The following RORA variants were observed in gnomAD, a reference collection of about 807,000 sequenced individuals.
RORA encodes the protein nuclear receptor ROR-alpha.
A neutral mutation model predicts 69.5 loss-of-function variants in RORA; 7 were observed. The observed-to-expected ratio is 0.10, with a 90% CI of 0.06 to 0.19. RORA has a LOEUF of 0.19. Among genes scored for constraint, RORA ranks in the 10% least tolerant of loss-of-function variants. The pLI is 1.00. For synonymous variants in RORA, 261 were observed against 240.8 expected (o/e 1.08, Z -0.78); for missense variants, 457 against 663.0 (o/e 0.69, Z 3.41).
At chr15:60,721,005 C>T (rs561376652) in intron 1 of RORA, among the ~76,000 whole-genome samples, 1 of 152,238 alleles carries the variant, frequency 6.6e-6, no homozygotes, top group South Asian at 2.1e-4. Flanking sequence ...AGAGTCTCCC[C>T]GCACACTGTT....
At chr15:60,845,322 A>G (rs1244102847) in intron 1 of RORA, among the ~76,000 whole-genome samples, 1 of 152,210 alleles carries the variant, frequency 6.6e-6, no homozygotes, top group Non-Finnish European at 1.5e-5. Flanking sequence ...TGATGTAGTT[A>G]GGTTCTGAAT....
chr15:61,126,805 C>T (rs998659821), intron 1 of RORA, among the ~76,000 whole-genome samples: 1 of 152,208 alleles, frequency 6.6e-6, no homozygotes, highest in Non-Finnish European at 1.5e-5. Flanking sequence ...GATCAGCCCA[C>T]GCTCTCTCCA....
At chr15:60,721,426 G>C (rs2071292108) in intron 1 of RORA, among the ~76,000 whole-genome samples, 1 of 152,162 alleles carries the variant, frequency 6.6e-6, no homozygotes, top group South Asian at 2.1e-4. Flanking sequence ...GGAGACCAAG[G>C]CTGGGCTTCC....
At chr15:60,523,538 C>A (rs767995963) in intron 3 of RORA, among the ~76,000 whole-genome samples, 1 of 152,214 alleles carries the variant, frequency 6.6e-6, no homozygotes, top group Non-Finnish European at 1.5e-5. Flanking sequence ...AGCTTACCAG[C>A]ATGTGGCTGG....
chr15:60,565,744 G>T (rs1356957659), intron 2 of RORA, among the ~76,000 whole-genome samples: 1 of 152,114 alleles, frequency 6.6e-6, no homozygotes, highest in Non-Finnish European at 1.5e-5. Context: ...TACCACCCCT[G>T]TTTTTTCTTT....
At chr15:60,950,528 C>T (rs1893058059) in intron 1 of RORA, among the ~76,000 whole-genome samples, 1 of 137,852 alleles carries the variant, frequency 7.3e-6, no homozygotes, top group East Asian at 2.1e-4. Flanking sequence ...ATCAGTGTGC[C>T]GTATTCAGGA....
chr15:61,126,093 C>T (rs545486643), intron 1 of RORA, among the ~76,000 whole-genome samples: 42 of 152,296 alleles, frequency 2.8e-4, no homozygotes, highest in African/African-American at 9.9e-4. Context: ...AAAGCTCCTC[C>T]TCTGGGGCTA....
intron 2 of RORA, among the ~76,000 whole-genome samples, chr15:60,563,830 TTACAGCAAG>T (rs1161417186): frequency 2.0e-5 from 3 of 152,248 alleles, no homozygotes; most frequent in Middle Eastern, 3.4e-3. Context: ...GTTTGCTCCA[TTACAGCAAG>T]TACACACACA....
Position 60,905,740 on chromosome 15 carries a change from T to C in RORA, c.167-227054A>G, listed in dbSNP as rs1265041716. ...GTTTAAGAGATCCAAGCAAGTAGGG[T>C]CACCTGTGCTGAGCAGGTTAGAGCC... is the stretch of plus-strand genomic sequence containing the variant. On this transcript the variant is annotated intron_variant, in intron 1 of 10. Coordinates refer to ENST00000335670, the MANE Select transcript of RORA (RefSeq NM_134261.3). This position sits in a 1 kb window ranked among gnomAD's most constrained non-coding sequence, Gnocchi z 4.8. 6.6e-6 allele frequency among the ~76,000 whole-genome samples: 1 copy of C among 152,148 alleles called. No individual in the cohort carries two copies. The highest frequency in any genetic ancestry group is 1.5e-5 in the Non-Finnish European group (1 of 68,020).
chr15:61,015,929 C>T (rs571965230), intron 1 of RORA, among the ~76,000 whole-genome samples: 1 of 152,140 alleles, frequency 6.6e-6, no homozygotes, highest in African/African-American at 2.4e-5. Context: ...GTATGATGAA[C>T]ACAGTTTACG....
At chr15:60,582,310 A>T (rs925895850) in intron 2 of RORA, among the ~76,000 whole-genome samples, 1 of 152,216 alleles carries the variant, frequency 6.6e-6, no homozygotes, top group African/African-American at 2.4e-5. Flanking sequence ...GGGAATAAGG[A>T]AAGTAGGAGG....
At chr15:60,561,076 G>GTTTTT (rs138552777) in intron 2 of RORA, among the ~76,000 whole-genome samples, 2 of 129,408 alleles carry the variant, frequency 1.5e-5, no homozygotes, top group African/African-American at 2.8e-5. Context: ...TTTTTGTTTT[G>GTTTTT]TTTTTGTTTT....
At chr15:61,138,436 G>A (rs1022325694) in intron 1 of RORA, among the ~76,000 whole-genome samples, 2 of 152,146 alleles carry the variant, frequency 1.3e-5, no homozygotes, top group African/African-American at 2.4e-5. Context: ...AGTGCTTCAT[G>A]TTGGCCGTCA....
At chr15:60,674,172 G>T (rs1245228524) in intron 2 of RORA, among the ~76,000 whole-genome samples, 1 of 152,168 alleles carries the variant, frequency 6.6e-6, no homozygotes, top group Non-Finnish European at 1.5e-5. Context: ...TATCACCAAA[G>T]CACCTTCCAT....
intron 1 of RORA, among the ~76,000 whole-genome samples, chr15:61,010,570 A>T (rs1297664699): frequency 2.0e-5 from 3 of 152,178 alleles, no homozygotes; most frequent in Non-Finnish European, 4.4e-5. Flanking sequence ...AGGGGTGTGG[A>T]GCTTCCATTC....
Position 60,531,832 on chromosome 15 carries a change from T to C in RORA, c.216A>G (p.Pro72=). 3 of 1,595,014 alleles carry C rather than the reference T, an allele frequency of 1.9e-6. No individual in the cohort carries two copies. The highest frequency in any genetic ancestry group is 1.8e-5 in the Admixed American group (1 of 55,452). ...ATGATTTGTCTCCACAGATCTTGCA[T>C]GGAATAATTTCAATTTGAGCTGCAA... The part of the protein sequence containing the change: ...KTHTSQIEII[P]CKICGDKSSG... The change falls in exon 3 of 11, where the codon CCA becomes CCG. Residue 72 remains proline, a synonymous_variant. Transcript: ENST00000335670. This position sits in a 1 kb window ranked among gnomAD's most constrained non-coding sequence, Gnocchi z 4.8.
intron 1 of RORA, among the ~76,000 whole-genome samples, chr15:60,696,796 AC>A (rs1418358724): frequency 6.6e-6 from 1 of 152,204 alleles, no homozygotes; most frequent in Non-Finnish European, 1.5e-5. Context: ...TTCTGAAATG[AC>A]TAAATGCATT....
At chr15:60,738,362 T>G (rs1407657231) in intron 1 of RORA, among the ~76,000 whole-genome samples, 1 of 144,264 alleles carries the variant, frequency 6.9e-6, no homozygotes, top group Non-Finnish European at 1.5e-5. Flanking sequence ...ACTTTTATCT[T>G]TTCCCAGATC....
In RORA at chr15:61,061,398, T is replaced by C. The variant is rs963428917; in HGVS notation, c.166+167655A>G. ...ATAAATAAATAAATAAATAAATAAA[T>C]ACAAGGGCATCGCAGGAAGTCCTGA... On this transcript the variant is annotated intron_variant, in intron 1 of 10. Transcript: ENST00000335670. The surrounding 1 kb of genome is among the most constrained non-coding windows in gnomAD (Gnocchi z 4.4). Among the ~76,000 whole-genome samples, 15 of 150,928 alleles carry C rather than the reference T, an allele frequency of 9.9e-5. No homozygotes were observed. The highest frequency in any genetic ancestry group is 9.9e-4 in the Admixed American group (15 of 15,172).
Sources: allele counts gnomAD v4.1 joint callset (sites outside exome capture counted in the v4.1 genomes callset), GRCh38; gene constraint gnomAD v4.1.1; non-coding constraint Gnocchi (gnomAD v3.1); transcripts MANE v1.5; gene names NCBI Gene and HGNC (gene_info 2026-07-23, HGNC 2026-07-21).